Variants in VBP1 observed in about 807,000 individuals in gnomAD.
The protein encoded by VBP1 is VHL binding protein 1, also known as prefoldin subunit 3.
VBP1 carries 4 observed loss-of-function variants against 15.5 expected under a neutral mutation model. The observed-to-expected ratio is 0.26, with a 90% confidence interval of 0.13 to 0.59. The LOEUF is 0.59. VBP1 is among the 20% of genes least tolerant of loss of function. The probability of loss-of-function intolerance (pLI) is 0.90; values close to 1 mark genes in which losing one functional copy is unlikely to be tolerated. For synonymous variants in VBP1, 61 were observed against 52.1 expected (o/e 1.17, Z -0.74); for missense variants, 108 against 139.6 (o/e 0.77, Z 1.14).
chrX:155,206,688 C>G (rs1000583890), intron 1 of VBP1, among the ~76,000 whole-genome samples: 1 of 110,434 alleles, frequency 9.1e-6, no homozygotes, highest in Non-Finnish European at 1.9e-5. Flanking sequence ...GCCCAAGGGT[C>G]GTCTGTCACT....
chrX:155,214,167 C>T (rs1365246119), upstream of VBP1, among the ~76,000 whole-genome samples: 1 of 112,523 alleles, frequency 8.9e-6, no homozygotes, highest in African/African-American at 3.2e-5. Context: ...AAATCACTCA[C>T]ATTGTTGATG....
intron 2 of VBP1, among the ~76,000 whole-genome samples, chrX:155,220,851 T>A (rs1220762552): frequency 8.9e-6 from 1 of 112,135 alleles, no homozygotes; most frequent in Non-Finnish European, 1.9e-5. Flanking sequence ...GCCAGCTAGA[T>A]GCCACATACT....
chrX:155,223,640 C>G (rs1557309838), intron 2 of VBP1, among the ~76,000 whole-genome samples: 1 of 112,762 alleles, frequency 8.9e-6, no homozygotes, highest in Admixed American at 9.3e-5. Flanking sequence ...CCTTCCTTTC[C>G]CCACATTTCC....
chrX:155,207,135 C>A lies in VBP1; in HGVS notation c.-30-1739C>A, dbSNP rs149526003. Among the ~76,000 whole-genome samples, 43 of 111,410 alleles carry A rather than the reference C, an allele frequency of 3.9e-4. 1 individual carries two copies. In the East Asian group the frequency reaches 0.01, roughly 27 times the overall value. ...GGGCTTGAGGCAAAAGTATGGGTTG[C>A]AGAAAAAACTATGAAGGGCTACGTA... On this transcript the variant is annotated intron_variant, in intron 1 of 6. Coordinates refer to the VBP1 transcript ENST00000535916.
At chrX:155,224,928 G>T (rs1315237885) in intron 2 of VBP1, among the ~76,000 whole-genome samples, 3 of 110,906 alleles carry the variant, frequency 2.7e-5, no homozygotes, top group Non-Finnish European at 5.7e-5. Context: ...TTGGCAATTA[G>T]ATGGATAGCC....
rs1192910389 is a variant in VBP1 at position 155,200,352 on chromosome X, G to C, written c.-31+3213G>C. Reference sequence around the variant, plus strand: ...CACCTATTCCAAAATTGACCACATAGTTGGAAGTAAAGCTCTCCTCAGCAA... The same window carrying C: ...CACCTATTCCAAAATTGACCACATACTTGGAAGTAAAGCTCTCCTCAGCAA... On this transcript the variant is annotated intron_variant, in intron 1 of 6. Coordinates refer to the VBP1 transcript ENST00000535916. 5.7e-5 allele frequency among the ~76,000 whole-genome samples: 6 copies of C among 104,798 alleles called. No individual in the cohort carries two copies. The East Asian group carries it at 1.2e-3, about 21-fold the overall frequency. 91.0% of individuals were successfully genotyped at this position (104,798 alleles called of 115,157 possible).
Position 155,236,342 on chromosome X carries a change from A to T in VBP1, c.498A>T (p.Arg166=). 1 of 1,210,317 alleles carries T rather than the reference A, an allele frequency of 8.3e-7. No homozygotes were observed. The highest frequency in any genetic ancestry group is 1.1e-6 in the Non-Finnish European group (1 of 894,783). The change falls in exon 5 of 6, where the codon CGA becomes CGT. Residue 166 remains arginine (R), a synonymous_variant. Coordinates refer to ENST00000286428, the MANE Select transcript of VBP1 (RefSeq NM_003372.7). ...DSLEEDLDFL[R]DQFTTTEVNM... ...TGGAGGAAGACCTTGACTTTCTTCGAGATCAATTTACTACCACAGAAGTCA... is the reference window on the plus strand; with the variant it reads ...TGGAGGAAGACCTTGACTTTCTTCGTGATCAATTTACTACCACAGAAGTCA...
chrX:155,207,699 A>T (rs1280600461), intron 1 of VBP1, among the ~76,000 whole-genome samples: 15 of 107,754 alleles, frequency 1.4e-4, no homozygotes, highest in Non-Finnish European at 2.0e-4. Flanking sequence ...TCCATTCTAT[A>T]TATATGTGGG....
intron 1 of VBP1, among the ~76,000 whole-genome samples, chrX:155,216,866 C>T (rs1462166130): frequency 1.8e-5 from 2 of 112,261 alleles, no homozygotes; most frequent in Non-Finnish European, 3.8e-5. Context: ...GAGGGACCTC[C>T]GGGCTGCCGC....
intron 1 of VBP1, among the ~76,000 whole-genome samples, chrX:155,197,393 ATCACTGTCTTGGCTATAAAAAGT>A (rs2074582276): frequency 8.9e-6 from 1 of 111,748 alleles, no homozygotes; most frequent in Admixed American, 9.5e-5. Flanking sequence ...TTAAGGAAAG[ATCACTGTCTTGGCTATAAAAAGT>A]TCACTATGAA....
intron 4 of VBP1, among the ~76,000 whole-genome samples, chrX:155,233,516 A>G: frequency 8.9e-6 from 1 of 112,534 alleles, no homozygotes; most frequent in Non-Finnish European, 1.9e-5. Flanking sequence ...CAGTCTGTAT[A>G]TTAAGGTCAG....
At chrX:155,221,937 A>C (rs1208577951) in intron 2 of VBP1, among the ~76,000 whole-genome samples, 1 of 112,558 alleles carries the variant, frequency 8.9e-6, no homozygotes, top group East Asian at 2.8e-4. Context: ...CATTAAGAAC[A>C]GTGTGCTCTC....
chrX:155,212,566 G>A (rs1051844320), upstream of VBP1, among the ~76,000 whole-genome samples: 18 of 111,917 alleles, frequency 1.6e-4, no homozygotes, highest in African/African-American at 5.5e-4. Flanking sequence ...AGTGAGTCTG[G>A]AGATCCTCTA....
intron 2 of VBP1, among the ~76,000 whole-genome samples, chrX:155,223,974 G>T (rs1424080841): frequency 9.4e-6 from 1 of 106,845 alleles, no homozygotes; most frequent in South Asian, 4.1e-4. Flanking sequence ...GGGTGGCGGC[G>T]GGGCAGAGGT....
Position 155,197,922 on chromosome X carries a change from C to G in VBP1, c.-31+783C>G, listed in dbSNP as rs185937506. Among the ~76,000 whole-genome samples the G allele has an allele frequency of 4.0e-4, 45 of 112,272 alleles. 1 individual carries two copies. The highest frequency in any genetic ancestry group is 7.9e-4 in the Non-Finnish European group (42 of 52,894). The stretch of plus-strand genomic sequence containing the variant: ...CTCCCACCCTAATACTGTGCTTTTC[C>G]GATGGGCTTAAAAAACGGCGCACCA... On this transcript the variant is annotated intron_variant, in intron 1 of 6. Coordinates refer to the VBP1 transcript ENST00000535916.
At chrX:155,208,473 C>T (rs2074633518) in intron 1 of VBP1, among the ~76,000 whole-genome samples, 1 of 112,284 alleles carries the variant, frequency 8.9e-6, no homozygotes, top group South Asian at 3.6e-4. Context: ...ATGAAAGATA[C>T]ATACATACCA....
intron 5 of VBP1, among the ~76,000 whole-genome samples, chrX:155,236,605 C>T (rs781869712): frequency 8.9e-6 from 1 of 111,859 alleles, no homozygotes; most frequent in Admixed American, 9.5e-5. Flanking sequence ...ATACAAAAAA[C>T]CTCCCACATT....
At position 155,228,393 on chromosome X, in the gene VBP1, A is replaced by C; in HGVS notation, c.295A>C (p.Asn99His). The C allele has an allele frequency of 8.3e-7, 1 of 1,204,137 alleles. No individual in the cohort carries two copies. The highest frequency in any genetic ancestry group is 1.1e-6 in the Non-Finnish European group (1 of 891,891). Residue 99 changes from asparagine to histidine, a missense_variant, in exon 4 of 6, where the codon AAC becomes CAC. Asn to His is a moderately conservative substitution (Grantham distance 68, BLOSUM62 1). Transcript: ENST00000286428. ...KYMQKKKEST[N>H]SMETRFLLAD... ...TTTTTTTGTTTTGAAGGAGTCCACC[A>C]ACTCAATGGAGACCAGATTCTTGCT... is the stretch of plus-strand genomic sequence containing the variant.
chrX:155,225,828 T>C (rs782124536), intron 2 of VBP1, among the ~76,000 whole-genome samples: 35 of 111,834 alleles, frequency 3.1e-4, no homozygotes, highest in African/African-American at 1.1e-3. Context: ...CCAGATTGAA[T>C]TGTAGTGAAA....
Sources: gnomAD v4.1 joint callset for allele counts (sites outside exome capture counted in the v4.1 genomes callset) on GRCh38, gnomAD v4.1.1 for gene constraint, MANE v1.5 for transcripts, NCBI Gene and HGNC (gene_info 2026-07-23, HGNC 2026-07-21) for gene names.